CAB39L: variants seen among roughly 807,000 people sequenced by gnomAD.
CAB39L encodes calcium binding protein 39 like.
Under a neutral mutation model 39.1 loss-of-function variants are expected in CAB39L, and 23 were observed. The observed-to-expected ratio is 0.59, with a 90% CI of 0.42 to 0.83. The LOEUF is 0.83. CAB39L is among the 40% of genes least tolerant of loss of function. The probability of loss-of-function intolerance (pLI) is 0.00; values close to 1 mark genes in which losing one functional copy is unlikely to be tolerated. For synonymous variants in CAB39L, 126 were observed against 137.2 expected (o/e 0.92, Z 0.57); for missense variants, 366 against 391.9 (o/e 0.93, Z 0.56).
Position 49,432,059 on chromosome 13 carries a change from C to A in CAB39L, c.-32+1259G>T, listed in dbSNP as rs920837193. On this transcript the variant is annotated intron_variant, in intron 3 of 10. Coordinates refer to ENST00000409308, the MANE Select transcript of CAB39L (RefSeq NM_001079670.3). ...AACGAGTATTTATTTCTTGCCAATT[C>A]TTTTTTTAATGTACCTGGTCACTTT... is the stretch of plus-strand genomic sequence containing the variant. Among the ~76,000 whole-genome samples, 4 of 152,156 alleles carry A rather than the reference C, an allele frequency of 2.6e-5. No individual in the cohort carries two copies. The South Asian group carries it at 8.3e-4, about 32-fold the overall frequency.
At chr13:49,436,972 T>C (rs1004587023) in intron 1 of CAB39L, among the ~76,000 whole-genome samples, 1 of 152,192 alleles carries the variant, frequency 6.6e-6, no homozygotes, top group Admixed American at 6.5e-5. Flanking sequence ...GGTCTCACTA[T>C]AGTGCCCAGG....
chr13:49,364,565 A>G (rs1055843051), intron 5 of CAB39L, among the ~76,000 whole-genome samples: 17 of 152,360 alleles, frequency 1.1e-4, no homozygotes, highest in Admixed American at 7.8e-4. Context: ...CAAAAAAACT[A>G]TTAGAATTGA....
intron 6 of CAB39L, among the ~76,000 whole-genome samples, chr13:49,352,063 T>A (rs1955372511): frequency 6.6e-6 from 1 of 152,156 alleles, no homozygotes; most frequent in African/African-American, 2.4e-5. Flanking sequence ...GAGACCTATA[T>A]AAATATATGA....
intron 4 of CAB39L, among the ~76,000 whole-genome samples, chr13:49,381,571 T>C (rs1175959561): frequency 6.6e-6 from 1 of 152,196 alleles, no homozygotes; most frequent in Admixed American, 6.5e-5. Flanking sequence ...GCTGAAACAA[T>C]ATAGCTTAGT....
At position 49,434,086 on chromosome 13, in the gene CAB39L, G is replaced by T; in HGVS notation, c.-108C>A. 2.2e-6 allele frequency: 1 copy of T among 446,124 alleles called. No homozygotes were observed. Among genetic ancestry groups the T allele is most frequent in the Non-Finnish European group, 4.5e-6 (1 of 224,142 alleles). The allele number at this position is 446,124 out of a possible 1,614,324, so 27.6% of individuals were successfully genotyped here. ...CCATCAGAAATAAGAGAAAACTTAC[G>T]CTTCTCTCCTTTAGTGCATTGCTCT... On this transcript the variant is annotated splice_region_variant and 5_prime_UTR_variant, in exon 2 of 11. Coordinates refer to ENST00000409308, the MANE Select transcript of CAB39L (RefSeq NM_001079670.3).
chr13:49,333,786 A>T (rs1036721363), intron 9 of CAB39L, among the ~76,000 whole-genome samples: 3 of 151,464 alleles, frequency 2.0e-5, no homozygotes, highest in African/African-American at 7.3e-5. Context: ...GTTAGCCAGG[A>T]TGGTCTCGAT....
Position 49,329,593 on chromosome 13 carries a change from AT to A in CAB39L, c.834+2353del, listed in dbSNP as rs1954627522. 1.8e-4 allele frequency among the ~76,000 whole-genome samples: 22 copies of A among 124,848 alleles called. 1 individual carries two copies. Among genetic ancestry groups the A allele is most frequent in the African/African-American group, 6.1e-4 (21 of 34,318 alleles). 81.9% of individuals were successfully genotyped at this position (124,848 alleles called of 152,430 possible). A position where few individuals can be genotyped will look rare whatever the true frequency, so the allele number is the denominator to read the frequency against. ...TATATATATATATATATATATATAT[AT>A]ATAATGATGTAATAAATATCTGGTG... On this transcript the variant is annotated intron_variant, in intron 10 of 10. Coordinates refer to ENST00000409308, the MANE Select transcript of CAB39L (RefSeq NM_001079670.3).
At chr13:49,347,858 TTCC>T (rs149288710) in intron 7 of CAB39L, among the ~76,000 whole-genome samples, 4 of 151,874 alleles carry the variant, frequency 2.6e-5, no homozygotes, top group Non-Finnish European at 4.4e-5. Context: ...TCCCAAGCCC[TTCC>T]TCCTTCTTTT....
At chr13:49,313,512 G>T (rs1221208199) in intron 10 of CAB39L, among the ~76,000 whole-genome samples, 1 of 151,822 alleles carries the variant, frequency 6.6e-6, no homozygotes, top group African/African-American at 2.4e-5. Context: ...AACTGCCCAG[G>T]TCCTACCTCC....
At chr13:49,357,178 G>T (rs577114847) in intron 6 of CAB39L, among the ~76,000 whole-genome samples, 2 of 152,118 alleles carry the variant, frequency 1.3e-5, no homozygotes, top group Non-Finnish European at 2.9e-5. Context: ...TCTTCTTAAA[G>T]GTATATTAAT....
chr13:49,396,111 T>TA (rs1407780942), intron 3 of CAB39L, among the ~76,000 whole-genome samples: 258 of 88,780 alleles, frequency 2.9e-3, no homozygotes, highest in African/African-American at 0.012. Flanking sequence ...AAAAAAAACT[T>TA]AAAAAAATAA....
intron 3 of CAB39L, among the ~76,000 whole-genome samples, chr13:49,429,684 G>A (rs1594096499): frequency 6.6e-6 from 1 of 152,046 alleles, no homozygotes; most frequent in South Asian, 2.1e-4. Flanking sequence ...TATACCATGA[G>A]GTTCACCAAA....
intron 5 of CAB39L, among the ~76,000 whole-genome samples, chr13:49,360,585 T>C (rs989707867): frequency 6.6e-6 from 1 of 152,192 alleles, no homozygotes; most frequent in Admixed American, 6.5e-5. Context: ...GAGTTTACTA[T>C]ATGAAAAATA....
Position 49,387,383 on chromosome 13 carries a change from C to T in CAB39L, c.-31-4442G>A, listed in dbSNP as rs1243936911. On this transcript the variant is annotated intron_variant, in intron 3 of 10. Transcript: ENST00000409308. ...TTTAAGAACATACATTCTGTTTCAG[C>T]AAAGCAGGCAGTGGGGACAGGAAAA... Among the ~76,000 whole-genome samples, 4 of 152,174 alleles carry T rather than the reference C, an allele frequency of 2.6e-5. No individual in the cohort carries two copies. In the East Asian group the frequency reaches 5.8e-4, roughly 22 times the overall value.
At chr13:49,351,056 C>G in intron 6 of CAB39L, 144 bp from the exon 7 acceptor site, 1 of 521,146 alleles carries the variant, frequency 1.9e-6, no homozygotes, top group Non-Finnish European at 3.1e-6. Flanking sequence ...CACTGAAGAT[C>G]TACTATGTGC....
At chr13:49,365,679 C>T (rs189909833) in intron 5 of CAB39L, among the ~76,000 whole-genome samples, 59 of 152,228 alleles carry the variant, frequency 3.9e-4, no homozygotes, top group Non-Finnish European at 1.0e-4. Context: ...AAAAGGAACC[C>T]CTCATATGCT....
intron 3 of CAB39L, among the ~76,000 whole-genome samples, chr13:49,421,555 C>T (rs1206995378): frequency 6.6e-6 from 1 of 152,154 alleles, no homozygotes; most frequent in Non-Finnish European, 1.5e-5. Flanking sequence ...CCCCCGACTG[C>T]AGGAGTGGTG....
intron 1 of CAB39L, among the ~76,000 whole-genome samples, 153 bp downstream of exon 1, chr13:49,443,833 G>C (rs923428816): frequency 6.6e-6 from 1 of 152,048 alleles, no homozygotes; most frequent in Non-Finnish European, 1.5e-5. Context: ...CATCCTTTCC[G>C]CAAGTAGGAA....
At position 49,424,502 on chromosome 13, in the gene CAB39L, C is replaced by G. The variant is rs1303109418; in HGVS notation, c.-32+8816G>C. Among the ~76,000 whole-genome samples, 4 of 152,228 alleles carry G rather than the reference C, an allele frequency of 2.6e-5. No individual in the cohort carries two copies. In the South Asian group the frequency reaches 6.2e-4, roughly 24 times the overall value. ...CTACATGTAACGTGGCATCCTGGAACAGAAAAGGCTCATTAGGTAAAAACC... is the reference window on the plus strand; with the variant it reads ...CTACATGTAACGTGGCATCCTGGAAGAGAAAAGGCTCATTAGGTAAAAACC... On this transcript the variant is annotated intron_variant, in intron 3 of 10. Coordinates refer to ENST00000409308, the MANE Select transcript of CAB39L (RefSeq NM_001079670.3).
Sources: gnomAD v4.1 joint callset for allele counts (sites outside exome capture counted in the v4.1 genomes callset) on GRCh38, gnomAD v4.1.1 for gene constraint, MANE v1.5 for transcripts, NCBI Gene and HGNC (gene_info 2026-07-23, HGNC 2026-07-21) for gene names.